Variants in RYR1 observed in about 807,000 individuals in gnomAD.
RYR1 encodes the protein ryanodine receptor 1.
Under a neutral mutation model 583.5 loss-of-function variants are expected in RYR1, and 342 were observed. The ratio of observed to expected loss-of-function variants is 0.59; its 90% confidence interval spans 0.54 to 0.64. The LOEUF (loss-of-function observed/expected upper bound fraction) is 0.64. Ranked by LOEUF, RYR1 falls within the 30% of genes least tolerant of loss-of-function variation. RYR1 has a pLI of 0.00. For missense variants in RYR1, 6,032 were observed against 6,917.2 expected (o/e 0.87, Z 4.54); for synonymous variants, 2,791 against 2,822.5 (o/e 0.99, Z 0.35).
chr19:38,473,614 C>T lies in RYR1; in HGVS notation c.4003C>T (p.Arg1335Cys), dbSNP rs767382534. The change falls in exon 28 of 106, where the codon CGC becomes TGC. Residue 1335 changes from arginine to cysteine, a missense_variant. Coordinates refer to ENST00000359596, the MANE Select transcript of RYR1 (RefSeq NM_000540.3). ...AEPDPDYENL[R>C]RSAGGWSEAE... Reference sequence around the variant, plus strand: ...ACCCGACCCTGACTACGAAAACCTGCGCCGCTCAGCTGGGGGCTGGAGCGA... The same window carrying T: ...ACCCGACCCTGACTACGAAAACCTGTGCCGCTCAGCTGGGGGCTGGAGCGA... 16 of 1,569,210 alleles carry T rather than the reference C, an allele frequency of 1.0e-5. No homozygotes were observed. Among genetic ancestry groups the T allele is most frequent in the South Asian group, 3.5e-5 (3 of 86,212 alleles).
At position 38,515,089 on chromosome 19, in the gene RYR1, A is replaced by G; in HGVS notation, c.9536A>G (p.Lys3179Arg). Reference protein sequence around the residue: ...LCSIYSLGTTKNTYVEKLRPA... With the variant: ...LCSIYSLGTTRNTYVEKLRPA... ...AGTATCTACTCCCTGGGAACCACCA[A>G]GAACACTTATGTGGAAAAGTAAGGA... is the stretch of plus-strand genomic sequence containing the variant. Residue 3179 changes from lysine (K) to arginine (R), a missense_variant, in exon 64 of 106, where the codon AAG becomes AGG. By Grantham distance (26) the Lys-to-Arg change is conservative. Transcript: ENST00000359596. The G allele has an allele frequency of 6.2e-7, 1 of 1,611,434 alleles. No individual in the cohort carries two copies. Among genetic ancestry groups the G allele is most frequent in the Non-Finnish European group, 8.5e-7 (1 of 1,178,522 alleles).
chr19:38,523,859 T>A, intron 69 of RYR1, 56 bp from the exon 70 acceptor site: 1 of 1,613,484 alleles, frequency 6.2e-7, no homozygotes, highest in Non-Finnish European at 8.5e-7. Flanking sequence ...GGGCCTGGGC[T>A]TCTCTGCGGG....
chr19:38,461,737 AAAAGAAAGGG>A (rs1230009425), intron 20 of RYR1, among the ~76,000 whole-genome samples: 3 of 135,620 alleles, frequency 2.2e-5, no homozygotes, highest in East Asian at 4.9e-4. Context: ...AAAAAAAAAA[AAAAGAAAGGG>A]AGAGAGAGAG....
intron 47 of RYR1, among the ~76,000 whole-genome samples, chr19:38,501,437 G>A (rs929366021): frequency 5.9e-5 from 9 of 152,328 alleles, no homozygotes; most frequent in Admixed American, 5.9e-4. Context: ...GGCGGAGGTT[G>A]CAGTGAGCCG....
chr19:38,457,710 A>T (rs935060539), intron 17 of RYR1, 80 bp downstream of exon 17: 2 of 1,454,752 alleles, frequency 1.4e-6, no homozygotes, highest in Non-Finnish European at 1.9e-6. Context: ...ACCCAGATGG[A>T]TGTCCTTTCC....
chr19:38,563,681 G>A (rs1356619447), intron 90 of RYR1, among the ~76,000 whole-genome samples: 1 of 152,178 alleles, frequency 6.6e-6, no homozygotes, highest in Non-Finnish European at 1.5e-5. Flanking sequence ...TTTTACAGAG[G>A]GGAAAACGGA....
At chr19:38,558,271 A>G (rs1006004197) in intron 89 of RYR1, among the ~76,000 whole-genome samples, 5 of 152,182 alleles carry the variant, frequency 3.3e-5, no homozygotes, top group Non-Finnish European at 7.4e-5. Flanking sequence ...TGATCACTCC[A>G]TTACACTCCA....
intron 24 of RYR1, among the ~76,000 whole-genome samples, chr19:38,467,317 A>T (rs998037605): frequency 6.6e-6 from 1 of 152,052 alleles, no homozygotes; most frequent in South Asian, 2.1e-4. Context: ...ACCCCAGACC[A>T]TAACTCTGAC....
intron 16 of RYR1, 114 bp downstream of exon 16, chr19:38,455,865 T>A: frequency 1.4e-6 from 1 of 736,404 alleles, no homozygotes; most frequent in South Asian, 1.4e-5. Context: ...ATCTCTCACC[T>A]GTACGCCACT....
chr19:38,459,023 C>T (rs1330830502), intron 18 of RYR1, 123 bp from the exon 19 acceptor site: 8 of 859,730 alleles, frequency 9.3e-6, no homozygotes, highest in Non-Finnish European at 1.5e-5. Flanking sequence ...CAAGGGAGCA[C>T]TTTCCATTAG....
At chr19:38,581,720 T>C (rs1974219200) in intron 101 of RYR1, among the ~76,000 whole-genome samples, 1 of 152,152 alleles carries the variant, frequency 6.6e-6, no homozygotes, top group Non-Finnish European at 1.5e-5. Flanking sequence ...TGCGTTAGCC[T>C]CCTGAGTAGC....
At chr19:38,559,480 C>T (rs1388522409) in intron 89 of RYR1, among the ~76,000 whole-genome samples, 1 of 151,834 alleles carries the variant, frequency 6.6e-6, no homozygotes, top group Non-Finnish European at 1.5e-5. Context: ...GTGATCCACC[C>T]GCCTCGGCCT....
At chr19:38,510,604 T>A in intron 59 of RYR1, 39 bp downstream of exon 59, 1 of 1,614,108 alleles carries the variant, frequency 6.2e-7, no homozygotes, top group Non-Finnish European at 8.5e-7. Context: ...CGCTGGGGAC[T>A]CATAGGCTCT....
chr19:38,502,486 T>C, intron 47 of RYR1, 21 bp from the exon 48 acceptor site: 9 of 1,597,872 alleles, frequency 5.6e-6, no homozygotes, highest in Non-Finnish European at 7.7e-6. Context: ...GCGGGCCTGA[T>C]GTCCTCACCC....
intron 1 of RYR1, among the ~76,000 whole-genome samples, chr19:38,440,157 C>T (rs1176257743): frequency 1.3e-5 from 2 of 152,142 alleles, no homozygotes; most frequent in Non-Finnish European, 2.9e-5. Context: ...CCAGGCACAA[C>T]AGTTCATGCC....
intron 90 of RYR1, among the ~76,000 whole-genome samples, chr19:38,562,040 C>T (rs982388230): frequency 3.3e-5 from 5 of 152,084 alleles, no homozygotes; most frequent in Non-Finnish European, 7.4e-5. Context: ...TCTGGGCCCA[C>T]ACGTGGGTGC....
At chr19:38,480,484 G>A (rs1022642055) in intron 31 of RYR1, among the ~76,000 whole-genome samples, 7 of 152,016 alleles carry the variant, frequency 4.6e-5, no homozygotes, top group African/African-American at 1.7e-4. Context: ...CACACCCACT[G>A]GATAATTTTG....
chr19:38,443,512 G>A (rs1203510352), intron 3 of RYR1, 46 bp from the exon 4 acceptor site: 1 of 1,561,460 alleles, frequency 6.4e-7, no homozygotes, highest in Admixed American at 1.8e-5. Context: ...GGGATCTGGA[G>A]AGTCCGGGGA....
chr19:38,504,792 C>T lies in RYR1; in HGVS notation c.8112C>T (p.Cys2704=), dbSNP rs763722972. 1.1e-5 allele frequency: 17 copies of T among 1,614,018 alleles called. No homozygotes were observed. The highest frequency in any genetic ancestry group is 3.3e-5 in the South Asian group (3 of 91,092). ...ACCGCATGGCCATGCCTTGTCTGTG[C>T]GCCATTGCCGGGGCTCTGCCCCCCG... ...ELYRMAMPCL[C]AIAGALPPDY... Residue 2704 remains cysteine, a synonymous_variant, in exon 51 of 106, where the codon TGC becomes TGT. Transcript: ENST00000359596.
Sources: gnomAD v4.1 joint callset for allele counts (sites outside exome capture counted in the v4.1 genomes callset) on GRCh38, gnomAD v4.1.1 for gene constraint, MANE v1.5 for transcripts, NCBI Gene and HGNC (gene_info 2026-07-23, HGNC 2026-07-21) for gene names.